Variants in PGAP1 observed in about 807,000 individuals in gnomAD.
PGAP1 encodes post-GPI attachment to proteins inositol deacylase 1, also known as GPI inositol-deacylase.
PGAP1 carries 76 observed loss-of-function variants against 127.0 expected under a neutral mutation model. That is an observed-to-expected ratio of 0.60 (90% confidence interval 0.50 to 0.72). The LOEUF is 0.72. Ranked by LOEUF, PGAP1 falls within the 30% of genes least tolerant of loss-of-function variation. The probability of loss-of-function intolerance (pLI) is 0.00; values close to 1 mark genes in which losing one functional copy is unlikely to be tolerated. For synonymous variants in PGAP1, 362 were observed against 366.5 expected (o/e 0.99, Z 0.14); for missense variants, 982 against 1,071.3 (o/e 0.92, Z 1.16).
chr2:196,878,040 G>A (rs981086628), intron 13 of PGAP1, among the ~76,000 whole-genome samples: 1 of 152,096 alleles, frequency 6.6e-6, no homozygotes, highest in Non-Finnish European at 1.5e-5. Flanking sequence ...GAGTAAGTTT[G>A]CTGGGTGAAA....
At chr2:196,914,828 T>C (rs77809392) in intron 3 of PGAP1, among the ~76,000 whole-genome samples, 1 of 151,538 alleles carries the variant, frequency 6.6e-6, no homozygotes, top group Admixed American at 6.6e-5. Flanking sequence ...TTTTTTTTTT[T>C]TCTGAGACAG....
At chr2:196,857,933 A>G (rs1037671183) in intron 20 of PGAP1, among the ~76,000 whole-genome samples, 7 of 152,138 alleles carry the variant, frequency 4.6e-5, no homozygotes, top group Admixed American at 2.0e-4. Context: ...CTGAATATGC[A>G]TAAGTTTACT....
At chr2:196,926,157 C>T (rs888490150) in intron 1 of PGAP1, among the ~76,000 whole-genome samples, 1 of 151,900 alleles carries the variant, frequency 6.6e-6, no homozygotes, top group African/African-American at 2.4e-5. Context: ...CCCGGCCAGT[C>T]AGAAGAGCTT....
rs966044727 is a variant in PGAP1, at chr2:196,873,559, G to T, written c.1521C>A (p.Ile507=). 6.2e-7 allele frequency: 1 copy of T among 1,610,806 alleles called. No homozygotes were observed. Among genetic ancestry groups the T allele is most frequent in the South Asian group, 1.1e-5 (1 of 90,796 alleles). The change falls in exon 16 of 27, where the codon ATC becomes ATA. Residue 507 remains isoleucine (I), a synonymous_variant. Transcript: ENST00000354764. ...CTGCTGAGCACTTGCTTACCACGTT[G>T]ATTTTAAAAGCTTGGTATATCTAAT... is the stretch of plus-strand genomic sequence containing the variant. The part of the protein sequence containing the change: ...NFGQIYQAFK[I]NVVSKCSAVK...
At chr2:196,869,993 T>C (rs984067911) in intron 19 of PGAP1, among the ~76,000 whole-genome samples, 5 of 152,208 alleles carry the variant, frequency 3.3e-5, no homozygotes, top group African/African-American at 7.2e-5. Context: ...ATTAAAACTA[T>C]ATAACTTCCC....
intron 4 of PGAP1, among the ~76,000 whole-genome samples, chr2:196,911,663 A>G (rs1021026251): frequency 1.3e-5 from 2 of 151,500 alleles, no homozygotes; most frequent in Admixed American, 6.6e-5. Flanking sequence ...TTTTATAGGT[A>G]AGAAGCTATA....
intron 20 of PGAP1, among the ~76,000 whole-genome samples, chr2:196,853,483 A>G (rs1700781966): frequency 6.6e-6 from 1 of 152,184 alleles, no homozygotes; most frequent in Non-Finnish European, 1.5e-5. Flanking sequence ...TTCCTCTATA[A>G]TATGGGCTTA....
intron 1 of PGAP1, chr2:196,922,378 T>G: frequency 4.1e-6 from 4 of 984,698 alleles, no homozygotes; most frequent in Non-Finnish European, 4.8e-6. Flanking sequence ...AGTTTTTAAC[T>G]TCACATAGTT....
At chr2:196,845,833 T>C in intron 23 of PGAP1, 49 bp downstream of exon 23, 1 of 1,504,888 alleles carries the variant, frequency 6.6e-7, no homozygotes. Context: ...CCTACATGTA[T>C]GTGCCTAATA....
At chr2:196,886,130 G>C (rs532047897) in intron 10 of PGAP1, among the ~76,000 whole-genome samples, 1 of 150,854 alleles carries the variant, frequency 6.6e-6, no homozygotes, top group South Asian at 2.1e-4. Context: ...CCAAGAGTAC[G>C]AGAAGGACTG....
rs200637575 is a variant in PGAP1, at chr2:196,847,149, A to T, written c.2004T>A (p.Asp668Glu). 4.6e-5 allele frequency: 74 copies of T among 1,613,156 alleles called. No individual in the cohort carries two copies. The highest frequency in any genetic ancestry group is 6.2e-5 in the Non-Finnish European group (73 of 1,179,514). Residue 668 changes from aspartate (D) to glutamate (E), a missense_variant, in exon 22 of 27, where the codon GAT (aspartate) becomes GAA (glutamate). Asp to Glu is a conservative substitution (Grantham distance 45). Coordinates refer to ENST00000354764, the MANE Select transcript of PGAP1 (RefSeq NM_024989.4). ...TACTCTGACAAGTTAAAATGACGGC[A>T]TCTAATTCTGGTAACAATAATACAT... The part of the protein sequence containing the change: ...LWDVLLLPEL[D>E]AVILTCQSMC...
At chr2:196,900,370 C>T (rs1210941580) in intron 5 of PGAP1, among the ~76,000 whole-genome samples, 2 of 152,144 alleles carry the variant, frequency 1.3e-5, no homozygotes, top group African/African-American at 4.8e-5. Flanking sequence ...CCTCTTGATA[C>T]AATTATGGTC....
chr2:196,914,081 T>C (rs1437627885), intron 3 of PGAP1, among the ~76,000 whole-genome samples: 3 of 152,184 alleles, frequency 2.0e-5, no homozygotes, highest in African/African-American at 4.8e-5. Context: ...AATACAGACC[T>C]GATCTTAGCA....
At position 196,872,474 on chromosome 2, in the gene PGAP1, A is replaced by G. The variant is rs1387962370; in HGVS notation, c.1695T>C (p.Phe565=). ...GACAGTCTGATGACGTGTACATTTTAAATAATGCCACATGGGTATTGTTTT... is the reference window on the plus strand; with the variant it reads ...GACAGTCTGATGACGTGTACATTTTGAATAATGCCACATGGGTATTGTTTT... The part of the protein sequence containing the change: ...QPENNTHVAL[F]KMYTSSDCRY... The change falls in exon 18 of 27, where the codon TTT becomes TTC. Residue 565 remains phenylalanine, a synonymous_variant. Transcript: ENST00000354764. The G allele has an allele frequency of 1.2e-6, 2 of 1,612,628 alleles. No individual in the cohort carries two copies. Among genetic ancestry groups the G allele is most frequent in the African/African-American group, 2.7e-5 (2 of 74,920 alleles).
At chr2:196,891,337 G>A (rs1702094546) in intron 9 of PGAP1, among the ~76,000 whole-genome samples, 1 of 152,080 alleles carries the variant, frequency 6.6e-6, no homozygotes, top group Non-Finnish European at 1.5e-5. Flanking sequence ...TTCACGGTTT[G>A]GGGCAGGAAA....
rs1344729237 is a variant in PGAP1 at position 196,847,095 on chromosome 2, G to A, written c.2058C>T (p.Leu686=). The A allele has an allele frequency of 6.2e-7, 1 of 1,613,586 alleles. No individual in the cohort carries two copies. The highest frequency in any genetic ancestry group is 8.5e-7 in the Non-Finnish European group (1 of 1,179,688). ...SMCFPLISLI[L]FLFGTCTAYW... The stretch of plus-strand genomic sequence containing the variant: ...AGGCAGTACACGTTCCAAACAGAAA[G>A]AGAATCAAGGATATCAGGGGGAAAC... The change falls in exon 22 of 27, where the codon CTC becomes CTT. Residue 686 remains leucine (L), a synonymous_variant. Transcript: ENST00000354764.
Position 196,836,113 on chromosome 2 carries a change from T to C in PGAP1, c.*5121A>G, listed in dbSNP as rs1700229481. The C allele has an allele frequency of 6.6e-6, 1 of 152,402 alleles. No individual in the cohort carries two copies. Among genetic ancestry groups the C allele is most frequent in the African/African-American group, 2.4e-5 (1 of 41,438 alleles). The allele number at this position is 152,402 out of a possible 1,614,324, so 9.4% of individuals were successfully genotyped here. A position where few individuals can be genotyped will look rare whatever the true frequency, so the allele number is the denominator to read the frequency against. ...CAAAACACACCAACAGATACAGTTT[T>C]TCATAAGTGTTCAAAGTTACAATGT... is the stretch of plus-strand genomic sequence containing the variant. On this transcript the variant is annotated 3_prime_UTR_variant, in exon 27 of 27. Coordinates refer to ENST00000354764, the MANE Select transcript of PGAP1 (RefSeq NM_024989.4).
chr2:196,841,799 G>T (rs1444431705), intron 26 of PGAP1, among the ~76,000 whole-genome samples: 1 of 152,132 alleles, frequency 6.6e-6, no homozygotes, highest in Non-Finnish European at 1.5e-5. Flanking sequence ...TTACAGGCGT[G>T]AGCCACCACG....
In PGAP1 at chr2:196,893,219, C is replaced by T. The variant is rs889490252; in HGVS notation, c.954G>A (p.Leu318=). The T allele has an allele frequency of 6.3e-7, 1 of 1,593,828 alleles. No individual in the cohort carries two copies. The highest frequency in any genetic ancestry group is 8.6e-7 in the Non-Finnish European group (1 of 1,165,462). The change falls in exon 8 of 27, where the codon CTG becomes CTA. Residue 318 remains leucine (L), a synonymous_variant. Transcript: ENST00000354764. ...KQITQNSKKK[L]SVLYHHFIRH... ...TTATAAAGTGGTGATACAAAACTGA[C>T]AGTTTCTTCTTGGAATTTTGAGTTA...
Sources: allele counts gnomAD v4.1 joint callset (sites outside exome capture counted in the v4.1 genomes callset), GRCh38; gene constraint gnomAD v4.1.1; transcripts MANE v1.5; gene names NCBI Gene and HGNC (gene_info 2026-07-23, HGNC 2026-07-21).